WWOX: variants seen among roughly 807,000 people sequenced by gnomAD.
WWOX encodes WW domain-containing oxidoreductase.
WWOX carries 69 observed loss-of-function variants against 46.2 expected under a neutral mutation model. That is an observed-to-expected ratio of 1.49 (90% CI 1.23 to 1.82). The LOEUF (loss-of-function observed/expected upper bound fraction) is 1.82, where lower values mean the gene tolerates loss of function less well. WWOX is among the 40% of genes most tolerant of loss of function. The pLI is 0.00. For synonymous variants in WWOX, 359 were observed against 202.6 expected (o/e 1.77, Z -6.56); for missense variants, 919 against 542.6 (o/e 1.69, Z -6.89).
At chr16:78,281,125 A>G (rs972696501) in intron 5 of WWOX, 2 of 152,284 alleles carry the variant, frequency 1.3e-5, no homozygotes, top group African/African-American at 2.4e-5. Flanking sequence ...GAGATATTTC[A>G]TGGCAAAGCG....
At chr16:79,054,668 A>G (rs531305168) in intron 8 of WWOX, among the ~76,000 whole-genome samples, 7 of 152,206 alleles carry the variant, frequency 4.6e-5, no homozygotes, top group African/African-American at 1.7e-4. Flanking sequence ...TGAAAAAATG[A>G]AAAATAATTA....
At chr16:78,600,326 A>G (rs2045591583) in intron 8 of WWOX, among the ~76,000 whole-genome samples, 1 of 152,034 alleles carries the variant, frequency 6.6e-6, no homozygotes, top group African/African-American at 2.4e-5. Context: ...AGAGAAACAG[A>G]CCAAGTAGAG....
chr16:78,677,996 T>C (rs1423874900), intron 8 of WWOX, among the ~76,000 whole-genome samples: 15 of 152,210 alleles, frequency 9.9e-5, no homozygotes, highest in Admixed American at 9.8e-4. Context: ...GCAAATTTCT[T>C]TCCAAACTCT....
At chr16:78,729,538 A>G (rs1344791073) in intron 8 of WWOX, among the ~76,000 whole-genome samples, 1 of 151,990 alleles carries the variant, frequency 6.6e-6, no homozygotes, top group Non-Finnish European at 1.5e-5. Flanking sequence ...CAGAGGGTGA[A>G]GTTGTGCATC....
In WWOX at chr16:79,138,426, A is replaced by G. The variant is rs138773895; in HGVS notation, c.1057-73182A>G. Among the ~76,000 whole-genome samples, 127 of 152,288 alleles carry G rather than the reference A, an allele frequency of 8.3e-4. 1 individual carries two copies. The East Asian group carries it at 0.021, about 25-fold the overall frequency. Reference sequence around the variant, plus strand: ...TTAGATTTTCTGCCACAGTTTAAGTATCACCTCCTCTATGAAGTCTTGCCA... The same window carrying G: ...TTAGATTTTCTGCCACAGTTTAAGTGTCACCTCCTCTATGAAGTCTTGCCA... On this transcript the variant is annotated intron_variant, in intron 8 of 8. Transcript: ENST00000566780.
chr16:79,061,240 C>G (rs1412593743), intron 8 of WWOX, among the ~76,000 whole-genome samples: 5 of 152,188 alleles, frequency 3.3e-5, no homozygotes, highest in Non-Finnish European at 7.3e-5. Context: ...AAAGCCCTAT[C>G]TGGATTCCAA....
intron 8 of WWOX, among the ~76,000 whole-genome samples, chr16:78,943,668 T>G (rs1005992541): frequency 2.6e-5 from 4 of 152,110 alleles, no homozygotes; most frequent in Admixed American, 6.6e-5. Context: ...CAGAAGAGTG[T>G]AGGACACTGG....
At chr16:78,622,290 C>G (rs1051090076) in intron 8 of WWOX, among the ~76,000 whole-genome samples, 1 of 152,052 alleles carries the variant, frequency 6.6e-6, no homozygotes, top group Non-Finnish European at 1.5e-5. Flanking sequence ...TGCTTGTAAT[C>G]CCAGCACTTT....
chr16:78,334,943 G>T (rs1021357386), intron 5 of WWOX, among the ~76,000 whole-genome samples: 2 of 143,860 alleles, frequency 1.4e-5, no homozygotes, highest in African/African-American at 5.3e-5. Flanking sequence ...AAAAAAGGCA[G>T]CAAAATGTGA....
chr16:78,991,318 G>T (rs1293243125), intron 8 of WWOX, among the ~76,000 whole-genome samples: 1 of 152,172 alleles, frequency 6.6e-6, no homozygotes, highest in African/African-American at 2.4e-5. Context: ...TCCCAGCCAG[G>T]CACAGTGGCT....
chr16:78,998,093 C>G (rs969127498), intron 8 of WWOX, among the ~76,000 whole-genome samples: 1 of 152,122 alleles, frequency 6.6e-6, no homozygotes, highest in Non-Finnish European at 1.5e-5. Flanking sequence ...TCAGGGTGGT[C>G]TTGAACTCCT....
At chr16:78,774,097 G>T (rs1355442341) in intron 8 of WWOX, among the ~76,000 whole-genome samples, 1 of 152,136 alleles carries the variant, frequency 6.6e-6, no homozygotes, top group Non-Finnish European at 1.5e-5. Context: ...AAGGGCTGGA[G>T]ATTTTTATTA....
intron 8 of WWOX, among the ~76,000 whole-genome samples, chr16:78,783,289 T>G (rs1227777841): frequency 6.6e-6 from 1 of 152,226 alleles, no homozygotes; most frequent in Non-Finnish European, 1.5e-5. Context: ...TTACAGTGTG[T>G]GTGGCACTGT....
At chr16:78,141,082 A>G (rs551561128) in intron 4 of WWOX, among the ~76,000 whole-genome samples, 1 of 152,214 alleles carries the variant, frequency 6.6e-6, no homozygotes, top group Non-Finnish European at 1.5e-5. Flanking sequence ...ATCATCAGAC[A>G]TTAGGAACCA....
At chr16:78,789,086 C>T (rs548658606) in intron 8 of WWOX, among the ~76,000 whole-genome samples, 1 of 152,160 alleles carries the variant, frequency 6.6e-6, no homozygotes, top group East Asian at 1.9e-4. Flanking sequence ...GGTGTTGTAT[C>T]TAAGAATCCA....
intron 8 of WWOX, among the ~76,000 whole-genome samples, chr16:79,063,096 C>T (rs753428144): frequency 6.6e-6 from 1 of 152,196 alleles, no homozygotes; most frequent in Non-Finnish European, 1.5e-5. Flanking sequence ...CGCCAAATCT[C>T]CCACCAAATC....
intron 5 of WWOX, among the ~76,000 whole-genome samples, chr16:78,331,948 G>T (rs1450609951): frequency 6.6e-6 from 1 of 152,152 alleles, no homozygotes; most frequent in Non-Finnish European, 1.5e-5. Flanking sequence ...GCTGGAATTT[G>T]AACCAGGCTA....
At chr16:78,578,703 C>A (rs1283223374) in intron 8 of WWOX, among the ~76,000 whole-genome samples, 1 of 152,068 alleles carries the variant, frequency 6.6e-6, no homozygotes, top group Non-Finnish European at 1.5e-5. Flanking sequence ...AGCTATGGGT[C>A]ATTTGGAAAA....
intron 8 of WWOX, among the ~76,000 whole-genome samples, chr16:79,106,319 G>T (rs1444471702): frequency 1.3e-5 from 2 of 152,130 alleles, no homozygotes; most frequent in Admixed American, 6.5e-5. Flanking sequence ...ACTTTTACCT[G>T]TGCTCACTCA....
Sources: gnomAD v4.1 joint callset for allele counts (sites outside exome capture counted in the v4.1 genomes callset) on GRCh38, gnomAD v4.1.1 for gene constraint, MANE v1.5 for transcripts, NCBI Gene and HGNC (gene_info 2026-07-23, HGNC 2026-07-21) for gene names.